Variants in CFAP70 observed in about 807,000 individuals in gnomAD.
The protein encoded by CFAP70 is cilia and flagella associated protein 70.
In CFAP70, 81 loss-of-function variants were observed where a neutral mutation model predicts 137.6. That is an observed-to-expected ratio of 0.59 (90% CI 0.49 to 0.71). The LOEUF is 0.71. Ranked by LOEUF, CFAP70 falls within the 30% of genes least tolerant of loss-of-function variation. The pLI, the probability that CFAP70 is intolerant of heterozygous loss-of-function variation, is 0.00. For missense variants in CFAP70, 976 were observed against 1,226.7 expected (o/e 0.80, Z 3.05); for synonymous variants, 382 against 423.6 (o/e 0.90, Z 1.20).
intron 19 of CFAP70, among the ~76,000 whole-genome samples, chr10:73,283,724 T>G (rs2047435588): frequency 6.6e-6 from 1 of 152,168 alleles, no homozygotes; most frequent in South Asian, 2.1e-4. Flanking sequence ...ATCACTATAT[T>G]TGTTTGTGGA....
intron 19 of CFAP70, among the ~76,000 whole-genome samples, chr10:73,290,173 T>C (rs1370363603): frequency 6.6e-6 from 1 of 152,118 alleles, no homozygotes; most frequent in Non-Finnish European, 1.5e-5. Flanking sequence ...ATCCATACAA[T>C]GGAATACTAC....
chr10:73,310,260 ATTG>A lies in CFAP70; in HGVS notation c.1165-14_1165-12del, dbSNP rs748401633. The A allele has an allele frequency of 1.3e-6, 2 of 1,572,660 alleles. No individual in the cohort carries two copies. The highest frequency in any genetic ancestry group is 3.7e-5 in the Admixed American group (2 of 54,450). On this transcript the variant is annotated splice_polypyrimidine_tract_variant and intron_variant, in intron 11 of 26. Coordinates refer to ENST00000310715, the Ensembl canonical transcript of CFAP70. ...TGCTTCTACATATTGCTGTAAAGAC[ATTG>A]TTTTCTTATTATTTCCAGAAAAAAA...
intron 19 of CFAP70, among the ~76,000 whole-genome samples, chr10:73,285,126 T>C (rs141140187): frequency 6.6e-6 from 1 of 152,144 alleles, no homozygotes; most frequent in Non-Finnish European, 1.5e-5. Context: ...CATTGCTCCA[T>C]TAGTGATATA....
intron 5 of CFAP70, among the ~76,000 whole-genome samples, chr10:73,344,500 T>C (rs1667915855): frequency 6.6e-6 from 1 of 152,210 alleles, no homozygotes; most frequent in South Asian, 2.1e-4. Context: ...GAAAGTCCCA[T>C]GTCCCAGGAA....
exon 6 of CFAP70, chr10:73,341,426 T>C (rs1440590609): frequency 7.4e-6 from 12 of 1,613,240 alleles, no homozygotes; most frequent in Non-Finnish European, 9.3e-6. Context: ...CTCCTTCTTC[T>C]TCTTCATAGG....
At position 73,351,041 on chromosome 10, in the gene CFAP70, ATATATGTGTG is replaced by A. The variant is rs2054176888; in HGVS notation, c.250+2505_250+2514del. On this transcript the variant is annotated intron_variant, in intron 3 of 26. Transcript: ENST00000310715. ...TGTATATATATGTGTATATGTGTGT[ATATATGTGTG>A]TGTGTGTGTGTGTGTGTGTGTATAT... is the stretch of plus-strand genomic sequence containing the variant. 6.1e-5 allele frequency among the ~76,000 whole-genome samples: 5 copies of A among 82,498 alleles called. No individual in the cohort carries two copies. The South Asian group carries it at 2.5e-3, about 41-fold the overall frequency. The allele number at this position is 82,498 out of a possible 152,430, so 54.1% of individuals were successfully genotyped here.
chr10:73,319,027 T>C (rs1031414712), intron 9 of CFAP70, among the ~76,000 whole-genome samples: 38 of 152,354 alleles, frequency 2.5e-4, no homozygotes, highest in African/African-American at 7.7e-4. Flanking sequence ...TAGAAAATTC[T>C]GAAGTTCCTT....
intron 1 of CFAP70, among the ~76,000 whole-genome samples, chr10:73,358,487 G>C (rs2054843066): frequency 6.6e-6 from 1 of 152,356 alleles, no homozygotes; most frequent in Admixed American, 6.5e-5. Context: ...GACGAGAAGC[G>C]GTAAAGGAAG....
upstream of CFAP70, chr10:73,358,947 G>A (rs952851240): frequency 6.6e-6 from 1 of 152,208 alleles, no homozygotes; most frequent in East Asian, 1.9e-4. Flanking sequence ...CAAGAGTTGG[G>A]TTTAAGTGCA....
At chr10:73,333,964 A>G (rs1244416658) in intron 7 of CFAP70, among the ~76,000 whole-genome samples, 1 of 152,260 alleles carries the variant, frequency 6.6e-6, no homozygotes, top group Non-Finnish European at 1.5e-5. Context: ...TGTATAAAAA[A>G]GAATTATACA....
intron 19 of CFAP70, among the ~76,000 whole-genome samples, chr10:73,285,140 A>T (rs1287156904): frequency 6.6e-6 from 1 of 152,100 alleles, no homozygotes; most frequent in Admixed American, 6.6e-5. Flanking sequence ...TGATATATGG[A>T]AGTAGAGAAA....
upstream of CFAP70, among the ~76,000 whole-genome samples, chr10:73,362,781 T>C (rs2055065891): frequency 6.6e-6 from 1 of 152,108 alleles, no homozygotes; most frequent in East Asian, 1.9e-4. Context: ...GCATAATTAC[T>C]GTGGCTAGGA....
intron 19 of CFAP70, among the ~76,000 whole-genome samples, chr10:73,283,905 G>A (rs1365171376): frequency 6.6e-6 from 1 of 151,922 alleles, no homozygotes; most frequent in Non-Finnish European, 1.5e-5. Context: ...ATATAGTTGA[G>A]GTTTTAAAAA....
At chr10:73,344,961 T>C in intron 5 of CFAP70, 104 bp downstream of exon 6, 2 of 802,936 alleles carry the variant, frequency 2.5e-6, no homozygotes, top group Non-Finnish European at 3.9e-6. Context: ...TCTCAGCTAT[T>C]AGCAGTGCAA....
At chr10:73,330,222 C>T (rs1271066646) in intron 8 of CFAP70, among the ~76,000 whole-genome samples, 2 of 151,890 alleles carry the variant, frequency 1.3e-5, no homozygotes, top group East Asian at 1.9e-4. Context: ...GAGGCTGAGG[C>T]GGGTGGATCA....
chr10:73,349,220 A>G (rs7893746), intron 3 of CFAP70, among the ~76,000 whole-genome samples: 6,776 of 152,184 alleles, frequency 0.045, 455 homozygotes, highest in African/African-American at 0.15. Context: ...AAGAATGGCT[A>G]AAAAGTCACA....
Position 73,322,953 on chromosome 10 carries a change from T to G in CFAP70, c.912+10A>C. The G allele has an allele frequency of 6.3e-7, 1 of 1,576,514 alleles. No individual in the cohort carries two copies. On this transcript the variant is annotated intron_variant, in intron 9 of 26. Transcript: ENST00000310715. ...ATTACCATGATGATTTTTATGCAAT[T>G]TTTTCTTACCTTTTCATGGACTACA...
chr10:73,297,323 C>A, intron 14 of CFAP70, 150 bp from the exon 16 acceptor site: 1 of 679,052 alleles, frequency 1.5e-6, no homozygotes, highest in Non-Finnish European at 2.3e-6. Flanking sequence ...ATCAGCTCTC[C>A]AAATTTCCCC....
intron 9 of CFAP70, among the ~76,000 whole-genome samples, chr10:73,319,906 A>C (rs1417006992): frequency 6.6e-6 from 1 of 152,190 alleles, no homozygotes; most frequent in East Asian, 1.9e-4. Context: ...GGCCATTGAC[A>C]CTTCTTTTGT....
Sources: allele counts gnomAD v4.1 joint callset (sites outside exome capture counted in the v4.1 genomes callset), GRCh38; gene constraint gnomAD v4.1.1; transcripts MANE v1.5; gene names NCBI Gene and HGNC (gene_info 2026-07-23, HGNC 2026-07-21).